KLHL8: variants seen among roughly 807,000 people sequenced by gnomAD.
KLHL8 encodes kelch-like protein 8.
Under a neutral mutation model 63.5 loss-of-function variants are expected in KLHL8, and 38 were observed. That is an observed-to-expected ratio of 0.60 (90% CI 0.46 to 0.78). The LOEUF is 0.78. KLHL8 is among the 30% of genes least tolerant of loss of function. The probability of loss-of-function intolerance (pLI) is 0.00; values close to 1 mark genes in which losing one functional copy is unlikely to be tolerated. For synonymous variants in KLHL8, 224 were observed against 254.3 expected (o/e 0.88, Z 1.13); for missense variants, 566 against 752.4 (o/e 0.75, Z 2.90).
At chr4:87,222,157 T>G (rs12509389), upstream of KLHL8, among the ~76,000 whole-genome samples, 38,514 of 152,100 alleles carry the variant, frequency 0.25, 5,424 homozygotes, top group Non-Finnish European at 0.31. Flanking sequence ...CCTTACCTGA[T>G]TTTTCATTTA....
At chr4:87,213,379 T>C (rs1732479823) in intron 1 of KLHL8, among the ~76,000 whole-genome samples, 1 of 152,186 alleles carries the variant, frequency 6.6e-6, no homozygotes, top group Admixed American at 6.5e-5. Context: ...TTGCCAAGTA[T>C]CAAAGTATGG....
intron 1 of KLHL8, among the ~76,000 whole-genome samples, chr4:87,230,924 T>C (rs772872374): frequency 2.0e-5 from 3 of 152,206 alleles, no homozygotes; most frequent in Non-Finnish European, 4.4e-5. Context: ...CACGCGTCAA[T>C]ATGTATGTTC....
chr4:87,180,236 T>C (rs1730999119), intron 4 of KLHL8, among the ~76,000 whole-genome samples: 1 of 152,256 alleles, frequency 6.6e-6, no homozygotes, highest in Non-Finnish European at 1.5e-5. Flanking sequence ...TATGCCAACA[T>C]CTGTTACCAG....
intron 8 of KLHL8, among the ~76,000 whole-genome samples, chr4:87,165,526 TG>T (rs1202588735): frequency 6.6e-6 from 1 of 151,810 alleles, no homozygotes; most frequent in African/African-American, 2.4e-5. Context: ...CCTAAGTAGC[TG>T]GAACTATAGG....
At chr4:87,235,014 G>T (rs1213707574) in intron 1 of KLHL8, among the ~76,000 whole-genome samples, 1 of 150,850 alleles carries the variant, frequency 6.6e-6, no homozygotes, top group Non-Finnish European at 1.5e-5. Context: ...GTGTTCTAAA[G>T]TTTATAAAGT....
At position 87,226,754 on chromosome 4, in the gene KLHL8, ATTAT is replaced by A. The variant is rs376932635; in HGVS notation, n.58-5368_58-5365del. ...TATATATTATTTATATATAATATAT[ATTAT>A]TTATATATAATATATATTATATATA... is the stretch of plus-strand genomic sequence containing the variant. On this transcript the variant is annotated intron_variant and non_coding_transcript_variant, in intron 1 of 1. Coordinates refer to the KLHL8 transcript ENST00000506274. Among the ~76,000 whole-genome samples, 15 of 10,124 alleles carry A rather than the reference ATTAT, an allele frequency of 1.5e-3. 1 individual carries two copies. The highest frequency in any genetic ancestry group is 3.0e-3 in the African/African-American group (7 of 2,368). 6.6% of individuals were successfully genotyped at this position (10,124 alleles called of 152,430 possible).
chr4:87,228,670 G>A (rs1228943610), intron 1 of KLHL8, among the ~76,000 whole-genome samples: 1 of 152,136 alleles, frequency 6.6e-6, no homozygotes, highest in Non-Finnish European at 1.5e-5. Flanking sequence ...GGAGAAAGAA[G>A]GTACAAAAGT....
rs11297877 is a variant in KLHL8, at chr4:87,217,242, G to GA, written c.-152+3175dup. On this transcript the variant is annotated intron_variant, in intron 1 of 9. Coordinates refer to ENST00000273963, the MANE Select transcript of KLHL8 (RefSeq NM_020803.5). ...TGGCTAATATAAACCATTTTGTTCA[G>GA]AAAAAAAAAAAAGACATAGTCAAGT... 2.9e-3 allele frequency among the ~76,000 whole-genome samples: 411 copies of GA among 141,608 alleles called. 1 individual carries two copies. The highest frequency in any genetic ancestry group is 6.8e-3 in the African/African-American group (269 of 39,310). The allele number at this position is 141,608 out of a possible 152,430, so 92.9% of individuals were successfully genotyped here.
rs1333623702 is a variant in KLHL8 at position 87,162,707 on chromosome 4, T to C, written c.*812A>G. ...CATTAGAGTCATGTAATCTGCATCA[T>C]TCTTTCTCAAGGTCTCTCAATTGGG... On this transcript the variant is annotated 3_prime_UTR_variant, in exon 10 of 10. Coordinates refer to ENST00000273963, the MANE Select transcript of KLHL8 (RefSeq NM_020803.5). 1 of 152,224 alleles carries C rather than the reference T, an allele frequency of 6.6e-6. No homozygotes were observed. Among genetic ancestry groups the C allele is most frequent in the Non-Finnish European group, 1.5e-5 (1 of 68,028 alleles). The allele number at this position is 152,224 out of a possible 1,614,324, so 9.4% of individuals were successfully genotyped here.
At chr4:87,212,251 T>C (rs1227890209) in intron 1 of KLHL8, among the ~76,000 whole-genome samples, 1 of 152,220 alleles carries the variant, frequency 6.6e-6, no homozygotes, top group Non-Finnish European at 1.5e-5. Context: ...GTTCCACCTT[T>C]TAAGAAATAT....
chr4:87,228,163 C>A (rs1733067256), intron 1 of KLHL8, among the ~76,000 whole-genome samples: 1 of 152,156 alleles, frequency 6.6e-6, no homozygotes, highest in South Asian at 2.1e-4. Flanking sequence ...CCTCTCAGAT[C>A]TCACCCAATG....
chr4:87,233,098 G>A (rs562588134), intron 1 of KLHL8, among the ~76,000 whole-genome samples: 20 of 152,108 alleles, frequency 1.3e-4, no homozygotes, highest in Middle Eastern at 6.8e-3. Flanking sequence ...GGGGTGTAGT[G>A]ACATGATCTT....
At chr4:87,192,883 C>T (rs896647786) in intron 2 of KLHL8, among the ~76,000 whole-genome samples, 1 of 152,046 alleles carries the variant, frequency 6.6e-6, no homozygotes, top group South Asian at 2.1e-4. Flanking sequence ...AGGAAAGGTA[C>T]AGTAAAAATA....
rs899401545 is a variant in KLHL8, at chr4:87,185,234, C to T, written c.765+17G>A. On this transcript the variant is annotated intron_variant, in intron 3 of 9. Transcript: ENST00000273963. ...ATATCACTTCATTTCTGTGTGAAAT[C>T]TTATTTCAGCTCCTACCTGTGCAAG... is the stretch of plus-strand genomic sequence containing the variant. The T allele has an allele frequency of 6.3e-7, 1 of 1,580,602 alleles. No homozygotes were observed. Among genetic ancestry groups the T allele is most frequent in the Non-Finnish European group, 8.6e-7 (1 of 1,161,616 alleles).
intron 8 of KLHL8, among the ~76,000 whole-genome samples, chr4:87,165,149 CAA>C (rs71660120): frequency 2.9e-5 from 1 of 34,138 alleles, no homozygotes; most frequent in Non-Finnish European, 5.4e-5. Flanking sequence ...GACTCTGTCT[CAA>C]AAAAAAAAAA....
At chr4:87,223,411 A>G (rs1334609643), upstream of KLHL8, among the ~76,000 whole-genome samples, 1 of 152,214 alleles carries the variant, frequency 6.6e-6, no homozygotes, top group Non-Finnish European at 1.5e-5. Flanking sequence ...AATATACACA[A>G]TATTTCAATA....
intron 1 of KLHL8, among the ~76,000 whole-genome samples, chr4:87,199,050 A>G (rs1430414468): frequency 6.6e-6 from 1 of 152,210 alleles, no homozygotes; most frequent in East Asian, 1.9e-4. Context: ...AGATTTTCAG[A>G]TTGGATAAGA....
At chr4:87,202,513 A>T (rs1731960061) in intron 1 of KLHL8, among the ~76,000 whole-genome samples, 2 of 152,202 alleles carry the variant, frequency 1.3e-5, no homozygotes, top group Non-Finnish European at 2.9e-5. Context: ...CTATCATTGC[A>T]AACCCCACTG....
At chr4:87,235,336 T>G (rs1034510000) in intron 1 of KLHL8, among the ~76,000 whole-genome samples, 1 of 152,206 alleles carries the variant, frequency 6.6e-6, no homozygotes, top group Non-Finnish European at 1.5e-5. Context: ...ACCACCGTAT[T>G]CTAGTTGCCT....
Sources: gnomAD v4.1 joint callset for allele counts (sites outside exome capture counted in the v4.1 genomes callset) on GRCh38, gnomAD v4.1.1 for gene constraint, MANE v1.5 for transcripts, NCBI Gene and HGNC (gene_info 2026-07-23, HGNC 2026-07-21) for gene names.